Variants in CENPP observed in about 807,000 individuals in gnomAD.
CENPP encodes the protein centromere protein P.
In CENPP, 24 loss-of-function variants were observed where a neutral mutation model predicts 35.6. The ratio of observed to expected loss-of-function variants is 0.67; its 90% CI spans 0.49 to 0.95. The LOEUF (loss-of-function observed/expected upper bound fraction) is 0.95, where lower values mean the gene tolerates loss of function less well. Among genes scored for constraint, CENPP ranks in the 40% least tolerant of loss-of-function variants. The pLI, the probability that CENPP is intolerant of heterozygous loss-of-function variation, is 0.00. For missense variants in CENPP, 332 were observed against 345.3 expected (o/e 0.96, Z 0.31); for synonymous variants, 120 against 125.5 (o/e 0.96, Z 0.29).
intron 5 of CENPP, chr9:92,459,559 A>T: frequency 7.0e-7 from 1 of 1,435,368 alleles, no homozygotes; most frequent in Non-Finnish European, 9.6e-7. Context: ...TCTTTGCTTG[A>T]GGTGTGCTAA....
intron 5 of CENPP, among the ~76,000 whole-genome samples, chr9:92,469,866 T>G (rs1012085523): frequency 1.3e-5 from 2 of 152,184 alleles, no homozygotes; most frequent in African/African-American, 4.8e-5. Flanking sequence ...AAATGATTTT[T>G]TTGGTTTGTT....
At chr9:92,382,892 CTTTT>C (rs1213731251) in intron 5 of CENPP, among the ~76,000 whole-genome samples, 15 of 69,814 alleles carry the variant, frequency 2.1e-4, no homozygotes, top group South Asian at 1.1e-3. Context: ...CACTGTTTTC[CTTTT>C]TTTTTTTTTT....
intron 4 of CENPP, among the ~76,000 whole-genome samples, chr9:92,348,112 C>CTTTTTTTTTTTT (rs11353028): frequency 8.0e-6 from 1 of 125,236 alleles, no homozygotes. Flanking sequence ...TTCTTTCTTT[C>CTTTTTTTTTTTT]TTTTTTTTTT....
chr9:92,451,033 C>G (rs1844693352), intron 5 of CENPP, among the ~76,000 whole-genome samples: 1 of 151,484 alleles, frequency 6.6e-6, no homozygotes, highest in Admixed American at 6.6e-5. Context: ...AAATTTTCTC[C>G]CATTCTGTAG....
chr9:92,459,709 G>A (rs780090505), intron 5 of CENPP: 8 of 1,612,796 alleles, frequency 5.0e-6, no homozygotes, highest in East Asian at 4.5e-5. Flanking sequence ...TCTCTCACAC[G>A]TGGTATGTTA....
In CENPP at chr9:92,573,262, G is replaced by A. The variant is rs544232398; in HGVS notation, c.565-38052G>A. On this transcript the variant is annotated intron_variant, in intron 5 of 7. Coordinates refer to ENST00000375587, the MANE Select transcript of CENPP (RefSeq NM_001012267.3). ...ACCTTTGGTCTTTGATGATGGTGAC[G>A]TACAGATGGGGTTTTGGTGTGGATG... Among the ~76,000 whole-genome samples, 11 of 152,188 alleles carry A rather than the reference G, an allele frequency of 7.2e-5. No homozygotes were observed. In the East Asian group the frequency reaches 1.7e-3, roughly 24 times the overall value.
rs1851459021 is a variant in CENPP at position 92,616,950 on chromosome 9, C to T, written c.*3801C>T. On this transcript the variant is annotated 3_prime_UTR_variant, in exon 8 of 8. Transcript: ENST00000375587. ...AAGCCAAACCCCAACTTCAAAAGCT[C>T]CTGCCGAGGAGAGGAAATACTGATC... 6.6e-6 allele frequency: 1 copy of T among 152,200 alleles called. No homozygotes were observed. The highest frequency in any genetic ancestry group is 6.5e-5 in the Admixed American group (1 of 15,276). 9.4% of individuals were successfully genotyped at this position (152,200 alleles called of 1,614,324 possible). A position where few individuals can be genotyped will look rare whatever the true frequency, so the allele number is the denominator to read the frequency against.
intron 5 of CENPP, among the ~76,000 whole-genome samples, chr9:92,463,680 A>T (rs1845198177): frequency 6.6e-6 from 1 of 152,154 alleles, no homozygotes; most frequent in African/African-American, 2.4e-5. Context: ...AGCAGATGAA[A>T]GGGATTTTAT....
chr9:92,351,416 G>A (rs1361922826), intron 4 of CENPP, among the ~76,000 whole-genome samples: 2 of 151,040 alleles, frequency 1.3e-5, no homozygotes, highest in East Asian at 2.0e-4. Flanking sequence ...GGAGGCGGAG[G>A]TTGTGGTGAG....
At position 92,345,738 on chromosome 9, in the gene CENPP, A is replaced by G. The variant is rs144342057; in HGVS notation, c.418A>G (p.Ile140Val). The stretch of plus-strand genomic sequence containing the variant: ...ATCTTCTGCTGTTACTGACCTCAAC[A>G]TAATAATGGAGCCCACAGAATGCTC... ...RLSSAVTDLN[I>V]IMEPTECSEL... Residue 140 changes from isoleucine (I) to valine (V), a missense_variant, in exon 4 of 8, where the codon ATA (isoleucine) becomes GTA (valine). By Grantham distance (29) the Ile-to-Val change is conservative. Coordinates refer to ENST00000375587, the MANE Select transcript of CENPP (RefSeq NM_001012267.3). 32 of 1,602,684 alleles carry G rather than the reference A, an allele frequency of 2.0e-5. No homozygotes were observed. The highest frequency in any genetic ancestry group is 1.1e-4 in the South Asian group (10 of 90,426).
At chr9:92,499,447 A>G (rs1846543635) in intron 5 of CENPP, among the ~76,000 whole-genome samples, 1 of 152,208 alleles carries the variant, frequency 6.6e-6, no homozygotes, top group Admixed American at 6.5e-5. Context: ...CCTCTAATGA[A>G]ATAAGAATTC....
intron 5 of CENPP, chr9:92,459,612 A>T (rs1481873558): frequency 1.2e-6 from 2 of 1,609,384 alleles, no homozygotes; most frequent in Non-Finnish European, 1.7e-6. Flanking sequence ...TATCTACTGA[A>T]CACAAGTAGA....
chr9:92,350,403 T>C (rs1841413063), intron 4 of CENPP, among the ~76,000 whole-genome samples: 1 of 152,240 alleles, frequency 6.6e-6, no homozygotes, highest in African/African-American at 2.4e-5. Flanking sequence ...TTATGTGCTG[T>C]AGTACAGTAT....
chr9:92,480,360 C>T (rs114733129), intron 5 of CENPP, among the ~76,000 whole-genome samples: 1 of 152,316 alleles, frequency 6.6e-6, no homozygotes, highest in African/African-American at 2.4e-5. Context: ...AGGCAGTGAG[C>T]GTCCAGAACT....
intron 5 of CENPP, among the ~76,000 whole-genome samples, chr9:92,459,112 A>G (rs1844995413): frequency 6.6e-6 from 1 of 152,224 alleles, no homozygotes; most frequent in Non-Finnish European, 1.5e-5. Flanking sequence ...CAAACAACAA[A>G]ATGGGAACTC....
rs189778125 is a variant in CENPP at position 92,365,138 on chromosome 9, A to G, written c.468-14625A>G. On this transcript the variant is annotated intron_variant, in intron 4 of 7. Transcript: ENST00000375587. The stretch of plus-strand genomic sequence containing the variant: ...AAGAGATTTATTTTCTAGTAGGGGA[A>G]ACAGGCAATAAACAAAACAGATATG... Among the ~76,000 whole-genome samples the G allele has an allele frequency of 6.6e-5, 10 of 152,352 alleles. No individual in the cohort carries two copies. In the East Asian group the frequency reaches 1.9e-3, roughly 29 times the overall value.
intron 4 of CENPP, among the ~76,000 whole-genome samples, chr9:92,374,357 A>T (rs1192384961): frequency 6.6e-6 from 1 of 151,218 alleles, no homozygotes; most frequent in African/African-American, 2.4e-5. Context: ...GGCATGTGCC[A>T]CCACACCCAG....
intron 5 of CENPP, among the ~76,000 whole-genome samples, chr9:92,562,685 T>A (rs1174962515): frequency 6.6e-6 from 1 of 152,174 alleles, no homozygotes; most frequent in Non-Finnish European, 1.5e-5. Context: ...TAGCGTGAGG[T>A]TTGTGAGAAA....
chr9:92,618,414 T>C lies in CENPP; in HGVS notation c.*5265T>C. 2.2e-6 allele frequency: 1 copy of C among 456,684 alleles called. No individual in the cohort carries two copies. Among genetic ancestry groups the C allele is most frequent in the Non-Finnish European group, 4.4e-6 (1 of 226,972 alleles). The allele number at this position is 456,684 out of a possible 1,614,324, so 28.3% of individuals were successfully genotyped here. On this transcript the variant is annotated 3_prime_UTR_variant, in exon 8 of 8. Transcript: ENST00000375587. ...ACATCACTGACCAGGCACTAAGAGA[T>C]TCCCAGGTGCTAGACGAGGTGAGTA...
Sources: allele counts gnomAD v4.1 joint callset (sites outside exome capture counted in the v4.1 genomes callset), GRCh38; gene constraint gnomAD v4.1.1; transcripts MANE v1.5; gene names NCBI Gene and HGNC (gene_info 2026-07-23, HGNC 2026-07-21).